Variants in FAT2 observed in about 807,000 individuals in gnomAD.
FAT2 encodes FAT atypical cadherin 2, also known as protocadherin Fat 2.
In FAT2, 150 loss-of-function variants were observed where a neutral mutation model predicts 295.3. The ratio of observed to expected loss-of-function variants is 0.51; its 90% confidence interval spans 0.44 to 0.58. The LOEUF (loss-of-function observed/expected upper bound fraction) is 0.58, where lower values mean the gene tolerates loss of function less well. Ranked by LOEUF, FAT2 falls within the 20% of genes least tolerant of loss-of-function variation. FAT2 has a pLI of 0.00. For missense variants in FAT2, 4,868 were observed against 5,442.7 expected (o/e 0.89, Z 3.32); for synonymous variants, 2,026 against 2,150.3 (o/e 0.94, Z 1.60).
intron 21 of FAT2, chr5:151,510,815 GT>G (rs1460738554): frequency 6.6e-6 from 1 of 152,374 alleles, no homozygotes; most frequent in Non-Finnish European, 1.5e-5. Flanking sequence ...AAAGAGAAAG[GT>G]GTTTCAGGCG....
intron 1 of FAT2, among the ~76,000 whole-genome samples, chr5:151,575,611 T>G (rs1241054012): frequency 6.6e-6 from 1 of 152,234 alleles, no homozygotes; most frequent in African/African-American, 2.4e-5. Flanking sequence ...TCCTATGACA[T>G]TCATTACTCT....
In FAT2 at chr5:151,545,195, T is replaced by C. The variant is rs1398958423; in HGVS notation, c.5932A>G (p.Lys1978Glu). The change falls in exon 10 of 24, where the codon AAG becomes GAG. Residue 1978 changes from lysine to glutamate, a missense_variant. Lys to Glu is a moderately conservative substitution (Grantham distance 56). This residue lies in a region of FAT2 where 3,297 missense variants were observed against 3,669.4 expected (regional missense o/e 0.90). Coordinates refer to ENST00000261800, the MANE Select transcript of FAT2 (RefSeq NM_001447.3). The stretch of plus-strand genomic sequence containing the variant: ...GCCTTTCTGTCCTGCAAGTTCTCCT[T>C]CACAGCTGCCCAGTAGACATCCTGA... The part of the protein sequence containing the change: ...FDQDVYWAAV[K>E]ENLQDRKALV... 1.2e-6 allele frequency: 2 copies of C among 1,614,204 alleles called. No individual in the cohort carries two copies. Among genetic ancestry groups the C allele is most frequent in the Non-Finnish European group, 1.7e-6 (2 of 1,180,040 alleles).
In FAT2 at chr5:151,527,271, G is replaced by A. The variant is rs754061683; in HGVS notation, c.10271C>T (p.Pro3424Leu). 9 of 1,613,080 alleles carry A rather than the reference G, an allele frequency of 5.6e-6. No homozygotes were observed. Among genetic ancestry groups the A allele is most frequent in the South Asian group, 3.3e-5 (3 of 91,026 alleles). ...GCTGTAGTTGAGCTGGAAGAATCTCGGTGGGTTATCATTGACATCAGCCAC... is the reference window on the plus strand; with the variant it reads ...GCTGTAGTTGAGCTGGAAGAATCTCAGTGGGTTATCATTGACATCAGCCAC... The part of the protein sequence containing the change: ...IQVADVNDNP[P>L]RFFQLNYSTT... Residue 3424 changes from proline to leucine, a missense_variant, in exon 17 of 24, where the codon CCG becomes CTG. Around this residue, in one of 5 missense-constraint regions of FAT2, gnomAD observed 1,046 missense variants for 1,210.1 expected, o/e 0.86. Coordinates refer to ENST00000261800, the MANE Select transcript of FAT2 (RefSeq NM_001447.3).
intron 4 of FAT2, 133 bp downstream of exon 4, chr5:151,556,211 C>G: frequency 2.7e-6 from 2 of 730,482 alleles, no homozygotes; most frequent in Non-Finnish European, 4.9e-6. Flanking sequence ...GATCATCCAG[C>G]AAGGTTCAGC....
chr5:151,590,450 G>T (rs1472057674), intron 1 of FAT2, among the ~76,000 whole-genome samples: 1 of 152,208 alleles, frequency 6.6e-6, no homozygotes, highest in Non-Finnish European at 1.5e-5. Flanking sequence ...TGGCTCTCCT[G>T]CCTCCAGAGA....
At chr5:151,584,279 C>A (rs1759082843) in intron 1 of FAT2, among the ~76,000 whole-genome samples, 1 of 152,114 alleles carries the variant, frequency 6.6e-6, no homozygotes, top group African/African-American at 2.4e-5. Flanking sequence ...CCTGCCCGGC[C>A]TGCCCACACA....
At chr5:151,588,194 T>C (rs1759252265) in intron 1 of FAT2, among the ~76,000 whole-genome samples, 1 of 152,170 alleles carries the variant, frequency 6.6e-6, no homozygotes, top group Non-Finnish European at 1.5e-5. Context: ...ATGATGTTTT[T>C]GTCCCCTGGA....
chr5:151,526,739 C>T (rs1754048192), intron 17 of FAT2, among the ~76,000 whole-genome samples: 1 of 152,216 alleles, frequency 6.6e-6, no homozygotes, highest in Non-Finnish European at 1.5e-5. Context: ...GTGGAACAGC[C>T]CTAGGTAATG....
At chr5:151,593,259 G>T (rs921170471), upstream of FAT2, among the ~76,000 whole-genome samples, 1 of 152,214 alleles carries the variant, frequency 6.6e-6, no homozygotes, top group African/African-American at 2.4e-5. Context: ...GCAGCCCCAC[G>T]GGCCCTTTGA....
chr5:151,557,415 C>A (rs888423471), intron 3 of FAT2, among the ~76,000 whole-genome samples: 3 of 152,136 alleles, frequency 2.0e-5, no homozygotes, highest in Non-Finnish European at 4.4e-5. Flanking sequence ...GCCCTTGCAA[C>A]TGGCTCTGCA....
intron 7 of FAT2, 106 bp downstream of exon 7, chr5:151,551,361 T>C (rs1757193021): frequency 2.5e-5 from 30 of 1,182,002 alleles, no homozygotes; most frequent in Non-Finnish European, 3.6e-5. Context: ...AAATTCAGTG[T>C]TCCTTGAGGA....
intron 18 of FAT2, 139 bp from the exon 19 acceptor site, chr5:151,522,225 T>TAA (rs1561824798): frequency 2.0e-5 from 12 of 587,250 alleles, no homozygotes; most frequent in South Asian, 1.7e-4. Flanking sequence ...TTGTTGCATT[T>TAA]AGAAAAAAAA....
intron 1 of FAT2, among the ~76,000 whole-genome samples, chr5:151,572,706 AT>A (rs1374300815): frequency 6.6e-6 from 1 of 152,250 alleles, no homozygotes; most frequent in Admixed American, 6.5e-5. Flanking sequence ...CTCAAGACAT[AT>A]TCGTTATTAG....
At chr5:151,569,003 T>C in intron 1 of FAT2, 52 bp from the exon 2 acceptor site, 1 of 1,484,956 alleles carries the variant, frequency 6.7e-7, no homozygotes, top group South Asian at 1.3e-5. Context: ...AAATGGTTTC[T>C]ACTGCTGTGA....
intron 3 of FAT2, among the ~76,000 whole-genome samples, chr5:151,559,215 C>T (rs984077833): frequency 1.3e-5 from 2 of 152,186 alleles, no homozygotes; most frequent in African/African-American, 4.8e-5. Flanking sequence ...GGCGTGTTCT[C>T]GCCTTGTGCA....
rs755296412 is a variant in FAT2 at position 151,512,589 on chromosome 5, G to T, written c.11481C>A (p.Pro3827=). The change falls in exon 21 of 24, where the codon CCC becomes CCA. Residue 3827 remains proline, a synonymous_variant. Transcript: ENST00000261800. This position sits in a 1 kb window ranked among gnomAD's most constrained non-coding sequence, Gnocchi z 4.1. ...SVSLKLASGV[P]QLEYHCLGGF... is the part of the protein sequence containing the mutation. ...CACCCAGACAGTGGTATTCCAGCTG[G>T]GGCACTCCACTGGCCAGCTGCAAAG... 8 of 1,609,428 alleles carry T rather than the reference G, an allele frequency of 5.0e-6. No homozygotes were observed. Among genetic ancestry groups the T allele is most frequent in the Non-Finnish European group, 6.8e-6 (8 of 1,177,344 alleles).
chr5:151,584,579 G>A lies in FAT2; in HGVS notation c.-21+6586C>T, dbSNP rs926035313. Among the ~76,000 whole-genome samples the A allele has an allele frequency of 7.9e-5, 12 of 152,118 alleles. No individual in the cohort carries two copies. In the East Asian group the frequency reaches 1.9e-3, roughly 24 times the overall value. On this transcript the variant is annotated intron_variant, in intron 1 of 23. Coordinates refer to ENST00000261800, the MANE Select transcript of FAT2 (RefSeq NM_001447.3). ...GTACTCCCTTGGCTGCACCGCATACGGTCTCTGCCCAGTATAATAGTAACG... is the reference window on the plus strand; with the variant it reads ...GTACTCCCTTGGCTGCACCGCATACAGTCTCTGCCCAGTATAATAGTAACG...
At position 151,504,098 on chromosome 5, in the gene FAT2, T is replaced by TA. The variant is rs1760662078; in HGVS notation, c.*1466dup. 1 of 151,070 alleles carries TA rather than the reference T, an allele frequency of 6.6e-6. No homozygotes were observed. Among genetic ancestry groups the TA allele is most frequent in the Non-Finnish European group, 1.5e-5 (1 of 67,466 alleles). The allele number at this position is 151,070 out of a possible 1,614,324, so 9.4% of individuals were successfully genotyped here. On this transcript the variant is annotated 3_prime_UTR_variant, in exon 24 of 24. Transcript: ENST00000261800. ...GGCTAAAGGACACAGAAAATAACAG[T>TA]AAAAAAAGATACTTTATTGTTAAAA...
intron 10 of FAT2, among the ~76,000 whole-genome samples, chr5:151,542,007 ACT>A (rs1561847705): frequency 6.6e-6 from 1 of 152,188 alleles, no homozygotes. Context: ...TTAGAGTATG[ACT>A]CATGTAAAAT....
Sources: gnomAD v4.1 joint callset for allele counts (sites outside exome capture counted in the v4.1 genomes callset) on GRCh38, gnomAD v4.1.1 for gene constraint, gnomAD v4.1.1 regional missense constraint, Gnocchi (gnomAD v3.1) non-coding constraint, MANE v1.5 for transcripts, NCBI Gene and HGNC (gene_info 2026-07-23, HGNC 2026-07-21) for gene names.